The following EXOSC8 variants were observed in gnomAD, a reference collection of about 807,000 sequenced individuals.
EXOSC8 encodes the protein exosome component 8.
Under a neutral mutation model 39.9 loss-of-function variants are expected in EXOSC8, and 37 were observed. That is an observed-to-expected ratio of 0.93 (90% confidence interval 0.71 to 1.22). The LOEUF (loss-of-function observed/expected upper bound fraction) is 1.22. Among genes scored for constraint, EXOSC8 ranks in the 50% most tolerant of loss-of-function variants. The pLI is 0.00. For missense variants in EXOSC8, 313 were observed against 326.6 expected (o/e 0.96, Z 0.32); for synonymous variants, 93 against 109.5 (o/e 0.85, Z 0.94).
intron 10 of EXOSC8, 93 bp from the exon 11 acceptor site, chr13:37,009,091 C>A: frequency 1.2e-6 from 1 of 837,440 alleles, no homozygotes. Context: ...TTACATTATC[C>A]AATTTTTTTG....
Position 37,000,815 on chromosome 13 carries a change from G to A in EXOSC8, c.10G>A (p.Gly4Arg). The change falls in exon 1 of 11, where the codon GGG becomes AGG. Residue 4 changes from glycine (G) to arginine (R), a missense_variant. Physicochemically the swap from Gly to Arg is moderately radical, Grantham distance 125 (BLOSUM62 -2). Transcript: ENST00000389704. MAA[G>R]FKTVEPLEYY... The stretch of plus-strand genomic sequence containing the variant: ...ACGCGCGGGCGGGAAGATGGCGGCT[G>A]GGTTCAAGTGAGTGTTGGCGGGTGG... 3.2e-6 allele frequency: 5 copies of A among 1,580,624 alleles called. No homozygotes were observed. The highest frequency in any genetic ancestry group is 4.3e-6 in the Non-Finnish European group (5 of 1,163,664).
chr13:37,005,862 CAAAAAAAA>C (rs59234766), intron 5 of EXOSC8, 50 bp from the exon 6 acceptor site: 23 of 293,036 alleles, frequency 7.8e-5, no homozygotes, highest in Non-Finnish European at 1.0e-4. Context: ...GACTCCATCT[CAAAAAAAA>C]AAAAAAAAAA....
At position 37,000,828 on chromosome 13, in the gene EXOSC8, T is replaced by A. The variant is rs2059093983; in HGVS notation, c.17+6T>A. 3.2e-6 allele frequency: 5 copies of A among 1,570,632 alleles called. No individual in the cohort carries two copies. The highest frequency in any genetic ancestry group is 3.5e-6 in the Non-Finnish European group (4 of 1,158,714). On this transcript the variant is annotated splice_donor_region_variant and intron_variant, in intron 1 of 10. Coordinates refer to ENST00000389704, the MANE Select transcript of EXOSC8 (RefSeq NM_181503.3). The stretch of plus-strand genomic sequence containing the variant: ...AAGATGGCGGCTGGGTTCAAGTGAG[T>A]GTTGGCGGGTGGCGGGTAGAGTTCT...
At chr13:37,008,884 T>C in intron 10 of EXOSC8, 49 bp downstream of exon 10, 1 of 1,227,706 alleles carries the variant, frequency 8.1e-7, no homozygotes, top group Non-Finnish European at 1.2e-6. Flanking sequence ...GAAAACTCAG[T>C]GTGAGCCTTA....
At chr13:37,004,297 C>T (rs544085859) in intron 4 of EXOSC8, 1 of 386,822 alleles carries the variant, frequency 2.6e-6, no homozygotes, top group Non-Finnish European at 4.6e-6. Context: ...AAAAGATCTC[C>T]AGGTAATCTT....
intron 10 of EXOSC8, 68 bp from the exon 11 acceptor site, chr13:37,009,116 A>G: frequency 9.7e-7 from 1 of 1,034,004 alleles, no homozygotes; most frequent in Non-Finnish European, 1.5e-6. Flanking sequence ...ATAATTTGAC[A>G]TGACATTAAT....
At position 37,008,104 on chromosome 13, in the gene EXOSC8, GTTAAT is replaced by G. The variant is rs755140645; in HGVS notation, c.540_544del (p.Asn180LysfsTer9). On this transcript the variant is annotated frameshift_variant, in exon 9 of 11. Transcript: ENST00000389704. LOFTEE classifies it high-confidence loss of function. Reference sequence around the variant, plus strand: ...AAATGAAGAAACTGCTTTAGCAGAAGTTAATTTAAAGAAGAAAAGTTATTTGAATA... The same window carrying G: ...AAATGAAGAAACTGCTTTAGCAGAAGTTAAAGAAGAAAAGTTATTTGAATA... 6.8e-5 allele frequency: 109 copies of G among 1,597,470 alleles called. No homozygotes were observed. The highest frequency in any genetic ancestry group is 2.6e-4 in the South Asian group (23 of 88,398).
rs1489495952 is a variant in EXOSC8, at chr13:37,009,484, C to G, written c.*185C>G. The G allele has an allele frequency of 4.8e-6, 4 of 840,024 alleles. No homozygotes were observed. The highest frequency in any genetic ancestry group is 1.7e-5 in the African/African-American group (1 of 58,064). 52.0% of individuals were successfully genotyped at this position (840,024 alleles called of 1,614,324 possible). On this transcript the variant is annotated 3_prime_UTR_variant, in exon 11 of 11. Coordinates refer to ENST00000389704, the MANE Select transcript of EXOSC8 (RefSeq NM_181503.3). ...TTTAAAAAGCAATGACTTAGGCAAACCAACCCTAGTTTGTTAAACCATTTC... is the reference window on the plus strand; with the variant it reads ...TTTAAAAAGCAATGACTTAGGCAAAGCAACCCTAGTTTGTTAAACCATTTC...
intron 7 of EXOSC8, 21 bp from the exon 8 acceptor site, chr13:37,006,954 T>C (rs1444517295): frequency 1.4e-6 from 2 of 1,473,528 alleles, no homozygotes; most frequent in Non-Finnish European, 1.9e-6. Flanking sequence ...TAATTTCCTT[T>C]TGTGTTTAAT....
rs2059093435 is a variant in EXOSC8, at chr13:37,000,799, CG to C, written c.-4del. On this transcript the variant is annotated 5_prime_UTR_variant, in exon 1 of 11. Coordinates refer to ENST00000389704, the MANE Select transcript of EXOSC8 (RefSeq NM_181503.3). ...AGCGGCGCAGGCGCAGACGCGCGGG[CG>C]GGAAGATGGCGGCTGGGTTCAAGTG... is the stretch of plus-strand genomic sequence containing the variant. The C allele has an allele frequency of 1.3e-6, 2 of 1,580,994 alleles. No individual in the cohort carries two copies. Among genetic ancestry groups the C allele is most frequent in the Non-Finnish European group, 1.7e-6 (2 of 1,163,928 alleles).
At chr13:37,006,182 T>TAA in intron 7 of EXOSC8, 22 bp downstream of exon 7, 1 of 1,540,486 alleles carries the variant, frequency 6.5e-7, no homozygotes, top group Non-Finnish European at 8.9e-7. Flanking sequence ...AGAGAAGCTA[T>TAA]AAGTTCTTAT....
chr13:37,006,574 TC>T (rs2059140656), intron 7 of EXOSC8, among the ~76,000 whole-genome samples: 2 of 152,156 alleles, frequency 1.3e-5, no homozygotes, highest in Admixed American at 6.5e-5. Flanking sequence ...TCCTACTAGA[TC>T]ATATAAACTG....
intron 5 of EXOSC8, 107 bp downstream of exon 5, chr13:37,004,668 C>A: frequency 2.9e-6 from 2 of 684,452 alleles, no homozygotes; most frequent in Non-Finnish European, 4.9e-6. Context: ...TCCTAATATT[C>A]GGAAATATTT....
chr13:37,004,402 T>C, intron 4 of EXOSC8, 114 bp from the exon 5 acceptor site: 1 of 718,154 alleles, frequency 1.4e-6, no homozygotes, highest in East Asian at 2.6e-5. Context: ...GTAGAGGCCC[T>C]GACACAATTC....
rs1440599705 is a variant in EXOSC8 at position 37,008,841 on chromosome 13, T to C, written c.715+6T>C. On this transcript the variant is annotated splice_donor_region_variant and intron_variant, in intron 10 of 10. Transcript: ENST00000389704. ...CTGTTGTCTTCACAAACCAGGCATG[T>C]TCCCGCCACTTCAGTCCTAAACATA... The C allele has an allele frequency of 6.6e-7, 1 of 1,512,524 alleles. No individual in the cohort carries two copies. Among genetic ancestry groups the C allele is most frequent in the Non-Finnish European group, 9.1e-7 (1 of 1,100,608 alleles). The allele number at this position is 1,512,524 out of a possible 1,614,324, so 93.7% of individuals were successfully genotyped here.
intron 8 of EXOSC8, 61 bp from the exon 9 acceptor site, chr13:37,007,996 A>C (rs1250651921): frequency 3.1e-6 from 4 of 1,305,808 alleles, no homozygotes; most frequent in Non-Finnish European, 2.1e-6. Flanking sequence ...AAAAAAAAAA[A>C]AGCTTAGAAA....
At chr13:37,002,608 ACCAG>A in intron 3 of EXOSC8, 57 bp downstream of exon 3, 1 of 1,184,884 alleles carries the variant, frequency 8.4e-7, no homozygotes, top group South Asian at 1.4e-5. Context: ...TAGTCTATGA[ACCAG>A]CCAAACAGTT....
At chr13:37,003,324 G>A (rs934471151) in intron 4 of EXOSC8, 3 of 237,632 alleles carry the variant, frequency 1.3e-5, no homozygotes, top group Non-Finnish European at 1.6e-5. Flanking sequence ...TGTAATCTGT[G>A]TAAATGTGTA....
At chr13:37,001,630 G>A (rs964838278) in intron 1 of EXOSC8, 3 of 152,132 alleles carry the variant, frequency 2.0e-5, no homozygotes, top group Non-Finnish European at 4.4e-5. Flanking sequence ...CCGAAGACAC[G>A]ATATAGTAGT....
Sources: gnomAD v4.1 joint callset for allele counts (sites outside exome capture counted in the v4.1 genomes callset) on GRCh38, gnomAD v4.1.1 for gene constraint, MANE v1.5 for transcripts, NCBI Gene and HGNC (gene_info 2026-07-23, HGNC 2026-07-21) for gene names.